The following TMX3 variants were observed in gnomAD, a reference collection of about 807,000 sequenced individuals.
The protein encoded by TMX3 is protein disulfide-isomerase TMX3.
A neutral mutation model predicts 64.4 loss-of-function variants in TMX3; 40 were observed. The observed-to-expected ratio is 0.62, with a 90% confidence interval of 0.48 to 0.81. The LOEUF is 0.81. Among genes scored for constraint, TMX3 ranks in the 30% least tolerant of loss-of-function variants. The pLI is 0.00. For synonymous variants in TMX3, 189 were observed against 175.7 expected, an observed-to-expected ratio of 1.08 and a Z score of -0.60; for missense variants, 497 against 534.5, an observed-to-expected ratio of 0.93 and a Z score of 0.69.
chr18:68,679,106 C>G (rs1913186649), intron 15 of TMX3, among the ~76,000 whole-genome samples: 1 of 151,882 alleles, frequency 6.6e-6, no homozygotes, highest in Non-Finnish European at 1.5e-5. Context: ...CAAAAATGAC[C>G]AATTTACAGA....
chr18:68,680,612 G>C (rs889710999), intron 14 of TMX3, among the ~76,000 whole-genome samples: 3 of 152,056 alleles, frequency 2.0e-5, no homozygotes, highest in Non-Finnish European at 4.4e-5. Flanking sequence ...TTTGGACCTA[G>C]AAACATACTA....
intron 7 of TMX3, chr18:68,697,667 A>T (rs1230291148): frequency 9.7e-6 from 4 of 412,632 alleles, no homozygotes; most frequent in African/African-American, 8.1e-5. Flanking sequence ...AAAAAGCAAC[A>T]CAAGACTTAA....
intron 15 of TMX3, among the ~76,000 whole-genome samples, 188 bp downstream of exon 15, chr18:68,679,275 A>AC (rs1913197442): frequency 6.6e-6 from 1 of 152,202 alleles, no homozygotes; most frequent in Admixed American, 6.5e-5. Flanking sequence ...TTAACTCATC[A>AC]ATCATATAAA....
intron 8 of TMX3, among the ~76,000 whole-genome samples, chr18:68,695,400 T>C (rs541134643): frequency 1.3e-5 from 2 of 152,338 alleles, no homozygotes; most frequent in African/African-American, 2.4e-5. Context: ...TTCTTTTACA[T>C]AGCCTTGACT....
chr18:68,684,172 C>T lies in TMX3; in HGVS notation c.848+18G>A. ...ATTAAACAAAAATAAAGGAATCTCT[C>T]AGAATATAAGCACCTACCTATGGAA... is the stretch of plus-strand genomic sequence containing the variant. On this transcript the variant is annotated intron_variant, in intron 12 of 15. Transcript: ENST00000299608. 6.3e-7 allele frequency: 1 copy of T among 1,579,918 alleles called. No individual in the cohort carries two copies. Among genetic ancestry groups the T allele is most frequent in the Admixed American group, 1.8e-5 (1 of 54,614 alleles).
At chr18:68,684,344 A>G in intron 11 of TMX3, 84 bp downstream of exon 11, 1 of 1,506,428 alleles carries the variant, frequency 6.6e-7, no homozygotes, top group Non-Finnish European at 9.2e-7. Context: ...CTGCAGGAAA[A>G]GTAAGATACC....
chr18:68,700,538 T>C, intron 5 of TMX3, 53 bp from the exon 6 acceptor site: 1 of 1,279,450 alleles, frequency 7.8e-7, no homozygotes, highest in Non-Finnish European at 1.1e-6. Flanking sequence ...GTTTTAATAT[T>C]TAATGTTAAT....
intron 4 of TMX3, among the ~76,000 whole-genome samples, chr18:68,702,341 G>A (rs2145104904): frequency 6.6e-6 from 1 of 150,912 alleles, no homozygotes; most frequent in East Asian, 1.9e-4. Flanking sequence ...AGGAGTTTCT[G>A]CTTTTGTGAT....
intron 9 of TMX3, chr18:68,688,047 T>A (rs1914133941): frequency 4.7e-6 from 1 of 212,714 alleles, no homozygotes; most frequent in Non-Finnish European, 9.2e-6. Context: ...AATTTTGGTA[T>A]ATGTCGATAA....
chr18:68,697,975 T>C lies in TMX3; in HGVS notation c.449A>G (p.His150Arg), dbSNP rs751866611. Reference sequence around the variant, plus strand: ...ACCTACATAAACGAAAAATACACGGTGTCTCTTCTGCATATGTTCAAACAT... The same window carrying C: ...ACCTACATAAACGAAAAATACACGGCGTCTCTTCTGCATATGTTCAAACAT... ...QQMFEHMQKR[H>R]RVFFVYVGGE... Residue 150 changes from histidine (H) to arginine (R), a missense_variant, in exon 7 of 16, where the codon CAC (histidine) becomes CGC (arginine). Around this residue, in one of 3 missense-constraint regions of TMX3, gnomAD observed 360 missense variants for 383.5 expected, o/e 0.94. Transcript: ENST00000299608. 3.7e-6 allele frequency: 6 copies of C among 1,612,410 alleles called. No homozygotes were observed. In the African/African-American group the frequency reaches 6.7e-5, roughly 18 times the overall value.
At chr18:68,679,150 T>A (rs992303877) in intron 15 of TMX3, among the ~76,000 whole-genome samples, 30 of 152,154 alleles carry the variant, frequency 2.0e-4, no homozygotes, top group African/African-American at 7.0e-4. Flanking sequence ...AATTTCATAT[T>A]ATCTGCACTT....
intron 12 of TMX3, among the ~76,000 whole-genome samples, chr18:68,683,762 A>G (rs1185033532): frequency 2.0e-5 from 3 of 152,120 alleles, no homozygotes; most frequent in Non-Finnish European, 4.4e-5. Flanking sequence ...GTCCCCCCTT[A>G]TCCATAGATT....
chr18:68,690,778 T>C (rs1289873640), intron 9 of TMX3, among the ~76,000 whole-genome samples: 1 of 152,202 alleles, frequency 6.6e-6, no homozygotes, highest in African/African-American at 2.4e-5. Flanking sequence ...TTTACCATTC[T>C]CTTTACTACG....
chr18:68,681,687 A>C (rs1913450664), intron 13 of TMX3: 13 of 944,760 alleles, frequency 1.4e-5, no homozygotes, highest in Non-Finnish European at 1.6e-5. Flanking sequence ...AAGACACCAA[A>C]ATAACCTAAT....
intron 8 of TMX3, 100 bp from the exon 9 acceptor site, chr18:68,691,461 C>T (rs929299530): frequency 2.9e-6 from 2 of 696,004 alleles, no homozygotes; most frequent in Non-Finnish European, 4.5e-6. Flanking sequence ...CTCAAACACA[C>T]ATAAAAATAA....
At chr18:68,688,297 A>C (rs1005895493) in intron 9 of TMX3, 2 of 152,198 alleles carry the variant, frequency 1.3e-5, no homozygotes, top group Non-Finnish European at 2.9e-5. Context: ...TCCTCTCTTT[A>C]TGATAGTCTT....
At chr18:68,681,683 C>T (rs374552488) in intron 13 of TMX3, 2 of 945,280 alleles carry the variant, frequency 2.1e-6, no homozygotes, top group Admixed American at 1.2e-4. Flanking sequence ...ATAGAAGACA[C>T]CAAAATAACC....
intron 10 of TMX3, chr18:68,686,558 A>T (rs1454087987): frequency 5.4e-6 from 1 of 185,272 alleles, no homozygotes; most frequent in African/African-American, 2.4e-5. Flanking sequence ...AGAATACAAA[A>T]ATTTGCTGGA....
At chr18:68,684,521 C>G in intron 10 of TMX3, 36 bp from the exon 11 acceptor site, 1 of 1,560,480 alleles carries the variant, frequency 6.4e-7, no homozygotes, top group South Asian at 1.1e-5. Flanking sequence ...ATTCAATCAC[C>G]CTTATTACAC....
Sources: gnomAD v4.1 joint callset for allele counts (sites outside exome capture counted in the v4.1 genomes callset) on GRCh38, gnomAD v4.1.1 for gene constraint, gnomAD v4.1.1 regional missense constraint, MANE v1.5 for transcripts, NCBI Gene and HGNC (gene_info 2026-07-23, HGNC 2026-07-21) for gene names.